CEP44: variants seen among roughly 807,000 people sequenced by gnomAD.
CEP44 encodes centrosomal protein of 44 kDa.
A neutral mutation model predicts 46.7 loss-of-function variants in CEP44; 45 were observed. The observed-to-expected ratio is 0.96, with a 90% confidence interval of 0.76 to 1.24. CEP44 has a LOEUF of 1.24. Among genes scored for constraint, CEP44 ranks in the 50% most tolerant of loss-of-function variants. The pLI, the probability that CEP44 is intolerant of heterozygous loss-of-function variation, is 0.00. For synonymous variants in CEP44, 142 were observed against 146.0 expected, an observed-to-expected ratio of 0.97 and a Z score of 0.20; for missense variants, 475 against 459.7, an observed-to-expected ratio of 1.03 and a Z score of -0.30.
At chr4:174,324,214 ATGT>A (rs1237883959), downstream of CEP44, among the ~76,000 whole-genome samples, 9 of 152,076 alleles carry the variant, frequency 5.9e-5, no homozygotes, top group Admixed American at 2.0e-4. Context: ...AGATTCATCC[ATGT>A]TGTTGTATGT....
chr4:174,294,948 C>A (rs1387322723), intron 1 of CEP44, among the ~76,000 whole-genome samples: 1 of 143,778 alleles, frequency 7.0e-6, no homozygotes, highest in Non-Finnish European at 1.5e-5. Context: ...GCGCCCCTCA[C>A]CTCCTGGACG....
intron 1 of CEP44, among the ~76,000 whole-genome samples, chr4:174,291,782 C>CTTTTTTTTTTTTTTTTTTTTTTTTTTTTT (rs1208425482): frequency 2.5e-4 from 20 of 81,628 alleles, no homozygotes; most frequent in East Asian, 5.8e-4. Context: ...TTATCTTTTT[C>CTTTTTTTTTTTTTTTTTTTTTTTTTTTTT]TTTTCTTTTT....
intron 6 of CEP44, 34 bp from the exon 7 acceptor site, chr4:174,308,655 T>C (rs1465394225): frequency 1.3e-6 from 2 of 1,561,374 alleles, no homozygotes; most frequent in Non-Finnish European, 1.7e-6. Flanking sequence ...GAGGAAAACA[T>C]TGAAGTGTTT....
At position 174,299,965 on chromosome 4, in the gene CEP44, C is replaced by G. The variant is rs149512691; in HGVS notation, c.89+755C>G. ...GGATTGGTTAAATGTTCATTGGTTA[C>G]TAGAATGTAAGCTGAAGTCTTGGAC... is the stretch of plus-strand genomic sequence containing the variant. On this transcript the variant is annotated intron_variant, in intron 3 of 11. Transcript: ENST00000503780. 4.1e-4 allele frequency among the ~76,000 whole-genome samples: 63 copies of G among 152,276 alleles called. 1 individual carries two copies. In the East Asian group the frequency reaches 0.011, roughly 27 times the overall value.
chr4:174,324,015 A>G (rs1742497127), downstream of CEP44, among the ~76,000 whole-genome samples: 1 of 152,210 alleles, frequency 6.6e-6, no homozygotes, highest in Non-Finnish European at 1.5e-5. Flanking sequence ...GAAGCAAGCG[A>G]CTACAAACAA....
intron 5 of CEP44, 47 bp from the exon 6 acceptor site, chr4:174,304,200 T>A: frequency 6.5e-7 from 1 of 1,546,012 alleles, no homozygotes; most frequent in Non-Finnish European, 8.7e-7. Context: ...TATATAATTA[T>A]GCTTTCACAC....
At chr4:174,285,967 C>A (rs1737544786) in intron 1 of CEP44, among the ~76,000 whole-genome samples, 1 of 152,164 alleles carries the variant, frequency 6.6e-6, no homozygotes, top group Non-Finnish European at 1.5e-5. Context: ...AATGTGATTT[C>A]AGGATGACTT....
chr4:174,305,344 C>T (rs1449472266), intron 6 of CEP44, among the ~76,000 whole-genome samples: 1 of 152,114 alleles, frequency 6.6e-6, no homozygotes, highest in Non-Finnish European at 1.5e-5. Flanking sequence ...ACCCCAGCTA[C>T]TTGAGAGACT....
In CEP44 at chr4:174,329,147, C is replaced by T. The variant is rs764384888; in HGVS notation, c.1087-2335C>T. On this transcript the variant is annotated intron_variant, in intron 8 of 8. Coordinates refer to the CEP44 transcript ENST00000426172. This position sits in a 1 kb window ranked among gnomAD's most constrained non-coding sequence, Gnocchi z 4.0. ...TGGTATTTTTTCGGATTTGGGATCTCACTATGCTGCCCAGGCTAGTCTCAG... is the reference window on the plus strand; with the variant it reads ...TGGTATTTTTTCGGATTTGGGATCTTACTATGCTGCCCAGGCTAGTCTCAG... 7.2e-5 allele frequency among the ~76,000 whole-genome samples: 11 copies of T among 152,000 alleles called. No individual in the cohort carries two copies. Among genetic ancestry groups the T allele is most frequent in the Non-Finnish European group, 1.3e-4 (9 of 68,018 alleles).
At position 174,318,203 on chromosome 4, in the gene CEP44, A is replaced by G. The variant is rs1013258030; in HGVS notation, c.*820A>G. The stretch of plus-strand genomic sequence containing the variant: ...CTCAGCCTCCTGAGTAGCTGGGATT[A>G]TAGGCATGCACCACCATGCCCAGCT... On this transcript the variant is annotated 3_prime_UTR_variant, in exon 12 of 12. Coordinates refer to ENST00000503780, the MANE Select transcript of CEP44 (RefSeq NM_001040157.3). 43 of 629,210 alleles carry G rather than the reference A, an allele frequency of 6.8e-5. No individual in the cohort carries two copies. Among genetic ancestry groups the G allele is most frequent in the Non-Finnish European group, 7.9e-5 (40 of 505,130 alleles). 39.0% of individuals were successfully genotyped at this position (629,210 alleles called of 1,614,324 possible). A position where few individuals can be genotyped will look rare whatever the true frequency, so the allele number is the denominator to read the frequency against.
intron 6 of CEP44, among the ~76,000 whole-genome samples, chr4:174,306,294 G>A (rs978710087): frequency 6.6e-6 from 1 of 152,018 alleles, no homozygotes; most frequent in African/African-American, 2.4e-5. Context: ...ATTGCAGTTT[G>A]TTTAACAGAA....
intron 1 of CEP44, among the ~76,000 whole-genome samples, chr4:174,295,399 G>A (rs1579084273): frequency 6.6e-6 from 1 of 151,828 alleles, no homozygotes; most frequent in Middle Eastern, 3.4e-3. Context: ...GGGCGGCCGG[G>A]CAGAGACGCT....
intron 6 of CEP44, among the ~76,000 whole-genome samples, chr4:174,307,229 A>G (rs1017389654): frequency 2.0e-5 from 3 of 152,184 alleles, no homozygotes; most frequent in African/African-American, 7.2e-5. Context: ...GGGCTACAGT[A>G]ACCAAAACAT....
In CEP44 at chr4:174,331,043, A is replaced by G. The variant is rs975186700; in HGVS notation, c.1087-439A>G. ...GGATATGCAGTGGTTAAGGCACTTG[A>G]TATCTACTGATGTCTTTACACCCAT... On this transcript the variant is annotated intron_variant, in intron 8 of 8. Coordinates refer to the CEP44 transcript ENST00000426172. The surrounding 1 kb of genome is among the most constrained non-coding windows in gnomAD (Gnocchi z 4.5). Among the ~76,000 whole-genome samples, 1 of 152,162 alleles carries G rather than the reference A, an allele frequency of 6.6e-6. No homozygotes were observed. Among genetic ancestry groups the G allele is most frequent in the Admixed American group, 6.5e-5 (1 of 15,274 alleles).
In CEP44 at chr4:174,303,747, G is replaced by A; in HGVS notation, c.282G>A (p.Lys94=). 6.4e-7 allele frequency: 1 copy of A among 1,559,726 alleles called. No homozygotes were observed. Among genetic ancestry groups the A allele is most frequent in the Non-Finnish European group, 8.8e-7 (1 of 1,139,120 alleles). Residue 94 remains lysine, a synonymous_variant, in exon 5 of 12, where the codon AAG becomes AAA. Transcript: ENST00000503780. The part of the protein sequence containing the change: ...QFNYKPILTK[K]QFIQCGFAEW... The stretch of plus-strand genomic sequence containing the variant: ...ATTATAAACCAATTTTGACAAAAAA[G>A]CAGTTTATCCAATGTGGGTTTGCAG...
chr4:174,319,782 C>T lies in CEP44; in HGVS notation c.*2399C>T, dbSNP rs199572693. The T allele has an allele frequency of 9.5e-6, 4 of 422,568 alleles. No individual in the cohort carries two copies. The highest frequency in any genetic ancestry group is 1.0e-3 in the Middle Eastern group (1 of 976). 26.2% of individuals were successfully genotyped at this position (422,568 alleles called of 1,614,324 possible). Reference sequence around the variant, plus strand: ...ATTTACACTTACAAAGAGTCTTTATCTAGACAACATAATTTTTGGAAAAAT... The same window carrying T: ...ATTTACACTTACAAAGAGTCTTTATTTAGACAACATAATTTTTGGAAAAAT... On this transcript the variant is annotated 3_prime_UTR_variant, in exon 12 of 12. Transcript: ENST00000503780.
At chr4:174,324,326 T>C (rs967564176), downstream of CEP44, among the ~76,000 whole-genome samples, 1 of 152,122 alleles carries the variant, frequency 6.6e-6, no homozygotes, top group Non-Finnish European at 1.5e-5. Flanking sequence ...AGTTTGGAGG[T>C]ATTCCATTTT....
rs1431803935 is a variant in CEP44 at position 174,314,692 on chromosome 4, C to T, written c.962-1474C>T. On this transcript the variant is annotated intron_variant, in intron 9 of 11. Coordinates refer to ENST00000503780, the MANE Select transcript of CEP44 (RefSeq NM_001040157.3). The surrounding 1 kb of genome is among the most constrained non-coding windows in gnomAD (Gnocchi z 4.1). ...GAAATGTTCAGGACAACTATCTGTA[C>T]CCACAGAAAAAAATCCAAGATTTAG... is the stretch of plus-strand genomic sequence containing the variant. Among the ~76,000 whole-genome samples the T allele has an allele frequency of 6.6e-6, 1 of 152,186 alleles. No individual in the cohort carries two copies. The highest frequency in any genetic ancestry group is 1.5e-5 in the Non-Finnish European group (1 of 68,034).
Position 174,311,082 on chromosome 4 carries a change from A to C in CEP44, c.961+224A>C, listed in dbSNP as rs1351973383. Among the ~76,000 whole-genome samples, 1 of 152,024 alleles carries C rather than the reference A, an allele frequency of 6.6e-6. No individual in the cohort carries two copies. The highest frequency in any genetic ancestry group is 1.5e-5 in the Non-Finnish European group (1 of 67,906). ...AATAAATTTCAGTGTACAAAATTGA[A>C]AATTTTTAGAGATATTTTACTGTTT... On this transcript the variant is annotated intron_variant, in intron 9 of 11. Coordinates refer to ENST00000503780, the MANE Select transcript of CEP44 (RefSeq NM_001040157.3). The surrounding 1 kb of genome is among the most constrained non-coding windows in gnomAD (Gnocchi z 4.4).
Sources: gnomAD v4.1 joint callset for allele counts (sites outside exome capture counted in the v4.1 genomes callset) on GRCh38, gnomAD v4.1.1 for gene constraint, Gnocchi (gnomAD v3.1) non-coding constraint, MANE v1.5 for transcripts, NCBI Gene and HGNC (gene_info 2026-07-23, HGNC 2026-07-21) for gene names.